The following TVP23C variants were observed in gnomAD, a reference collection of about 807,000 sequenced individuals.
TVP23C encodes Golgi apparatus membrane protein TVP23 homolog C.
A neutral mutation model predicts 28.7 loss-of-function variants in TVP23C; 19 were observed. The observed-to-expected ratio is 0.66, with a 90% CI of 0.46 to 0.97. The LOEUF is 0.97. TVP23C is among the 50% of genes least tolerant of loss of function. The pLI is 0.00. For synonymous variants in TVP23C, 68 were observed against 81.7 expected, an observed-to-expected ratio of 0.83 and a Z score of 0.90; for missense variants, 186 against 241.3, an observed-to-expected ratio of 0.77 and a Z score of 1.52.
intron 3 of TVP23C, among the ~76,000 whole-genome samples, chr17:15,549,408 T>C (rs1567642591): frequency 6.6e-6 from 1 of 152,132 alleles, no homozygotes; most frequent in African/African-American, 2.4e-5. Context: ...GAGTGGAAGA[T>C]GACAAGTAGT....
rs1463978019 is a variant in TVP23C, at chr17:15,537,357, T to C, written c.*3055A>G. 2.8e-5 allele frequency: 27 copies of C among 975,456 alleles called. No individual in the cohort carries two copies. Among genetic ancestry groups the C allele is most frequent in the Non-Finnish European group, 3.2e-5 (26 of 821,140 alleles). 60.4% of individuals were successfully genotyped at this position (975,456 alleles called of 1,614,324 possible). ...GTAAATTATTATTCTCATTATGACA[T>C]GAGAATAATGCTCTTTTAGTGGTAA... is the stretch of plus-strand genomic sequence containing the variant. On this transcript the variant is annotated 3_prime_UTR_variant, in exon 6 of 6. Transcript: ENST00000518321.
chr17:15,524,908 C>T (rs1161328590), intron 5 of TVP23C, among the ~76,000 whole-genome samples: 1 of 152,208 alleles, frequency 6.6e-6, no homozygotes, highest in African/African-American at 2.4e-5. Flanking sequence ...CCAGGACCAC[C>T]ACTCGGCTCT....
chr17:15,520,166 C>T (rs1245462449), intron 5 of TVP23C, among the ~76,000 whole-genome samples: 1 of 151,056 alleles, frequency 6.6e-6, no homozygotes, highest in Non-Finnish European at 1.5e-5. Context: ...TCACCAAAAT[C>T]CTCTTTCTCT....
At chr17:15,525,920 G>A (rs1982704738) in intron 5 of TVP23C, among the ~76,000 whole-genome samples, 1 of 152,132 alleles carries the variant, frequency 6.6e-6, no homozygotes, top group Admixed American at 6.5e-5. Context: ...GTAAAATGGT[G>A]GTAGTATCTC....
At chr17:15,534,604 CACACACA>C (rs1983080139), downstream of TVP23C, among the ~76,000 whole-genome samples, 1 of 148,818 alleles carries the variant, frequency 6.7e-6, no homozygotes, top group African/African-American at 2.5e-5. Flanking sequence ...CACACACACA[CACACACA>C]CCCTTACCTA....
chr17:15,542,273 G>C (rs1194338817), intron 5 of TVP23C, among the ~76,000 whole-genome samples: 1 of 152,026 alleles, frequency 6.6e-6, no homozygotes. Context: ...GACCCAAACA[G>C]GCAGGAAAAT....
At chr17:15,552,422 C>T (rs1983933921) in intron 3 of TVP23C, among the ~76,000 whole-genome samples, 1 of 152,228 alleles carries the variant, frequency 6.6e-6, no homozygotes. Flanking sequence ...TGGCTCACGC[C>T]TGTAATCCCA....
rs1982579808 is a variant in TVP23C at position 15,523,591 on chromosome 17, G to C, written c.463-20359C>G. Among the ~76,000 whole-genome samples the C allele has an allele frequency of 2.0e-5, 3 of 151,776 alleles. No homozygotes were observed. In the East Asian group the frequency reaches 5.8e-4, roughly 29 times the overall value. On this transcript the variant is annotated intron_variant, in intron 5 of 5. Coordinates refer to the TVP23C transcript ENST00000225576. ...CCCAAAGTGCTGAGATTACAGGCATGAGCACTGCACCTGGCTGGAAGATTT... is the reference window on the plus strand; with the variant it reads ...CCCAAAGTGCTGAGATTACAGGCATCAGCACTGCACCTGGCTGGAAGATTT...
chr17:15,516,947 T>G (rs1234620876), intron 5 of TVP23C, among the ~76,000 whole-genome samples: 3 of 152,206 alleles, frequency 2.0e-5, no homozygotes, highest in Admixed American at 2.0e-4. Flanking sequence ...AGCACAGGCA[T>G]GGCATCTCAC....
intron 5 of TVP23C, among the ~76,000 whole-genome samples, chr17:15,529,029 TTAAC>T (rs1348300128): frequency 2.0e-5 from 3 of 152,158 alleles, no homozygotes; most frequent in African/African-American, 7.2e-5. Context: ...TTCTTTACCT[TTAAC>T]TAGCAAAGCA....
chr17:15,551,905 A>G (rs1983909645), intron 3 of TVP23C, among the ~76,000 whole-genome samples: 1 of 152,206 alleles, frequency 6.6e-6, no homozygotes, highest in East Asian at 1.9e-4. Context: ...AGTCCACTTA[A>G]TAATTTCCCT....
exon 6 of TVP23C, chr17:15,502,778 C>T: frequency 6.9e-7 from 1 of 1,457,218 alleles, no homozygotes. Flanking sequence ...CCGTCACTCT[C>T]TTCCCTCCCT....
chr17:15,528,649 A>G (rs897803327), intron 5 of TVP23C, among the ~76,000 whole-genome samples: 26 of 151,710 alleles, frequency 1.7e-4, no homozygotes, highest in African/African-American at 6.0e-4. Context: ...TTTGTCACCC[A>G]GGCTGGAGTG....
chr17:15,547,884 G>T (rs1983713031), intron 3 of TVP23C, among the ~76,000 whole-genome samples: 1 of 152,136 alleles, frequency 6.6e-6, no homozygotes, highest in African/African-American at 2.4e-5. Context: ...AAATATAAAA[G>T]ATAAATAAGA....
chr17:15,553,080 G>A lies in TVP23C; in HGVS notation c.240+605C>T, dbSNP rs763437. Reference sequence around the variant, plus strand: ...GGTAGTTCTTTGTTGCAGAGGGGCCGTCCTGTGTGTTAGGATATTTAGCAG... The same window carrying A: ...GGTAGTTCTTTGTTGCAGAGGGGCCATCCTGTGTGTTAGGATATTTAGCAG... On this transcript the variant is annotated intron_variant, in intron 3 of 5. Coordinates refer to ENST00000518321, the MANE Select transcript of TVP23C (RefSeq NM_001135036.2). 4.7e-5 allele frequency among the ~76,000 whole-genome samples: 7 copies of A among 148,480 alleles called. No individual in the cohort carries two copies. In the East Asian group the frequency reaches 7.9e-4, roughly 17 times the overall value.
At chr17:15,543,926 C>T (rs1031163033) in intron 5 of TVP23C, among the ~76,000 whole-genome samples, 6 of 151,794 alleles carry the variant, frequency 4.0e-5, no homozygotes, top group Non-Finnish European at 8.8e-5. Context: ...AAGGTCAAAC[C>T]ATAGAACATA....
chr17:15,512,033 T>C (rs1385967643), intron 5 of TVP23C, among the ~76,000 whole-genome samples: 1 of 152,200 alleles, frequency 6.6e-6, no homozygotes, highest in Non-Finnish European at 1.5e-5. Flanking sequence ...ATCTCCACAG[T>C]TGCTGATTCA....
Position 15,527,629 on chromosome 17 carries a change from A to G in TVP23C, c.462+18156T>C, listed in dbSNP as rs567638693. Among the ~76,000 whole-genome samples, 343 of 152,312 alleles carry G rather than the reference A, an allele frequency of 2.3e-3. 2 individuals are homozygous for G. The highest frequency in any genetic ancestry group is 4.1e-3 in the Non-Finnish European group (276 of 68,040). ...CCTCACAAGCTCCTTCCACCTCAAG[A>G]GGGTAAGTATTTACTTGTGCTTATG... On this transcript the variant is annotated intron_variant, in intron 5 of 5. Coordinates refer to the TVP23C transcript ENST00000225576.
downstream of TVP23C, among the ~76,000 whole-genome samples, chr17:15,534,866 A>G (rs2589709): frequency 0.014 from 2,076 of 147,450 alleles, 45 homozygotes; most frequent in African/African-American, 0.051. Flanking sequence ...TACTTGGGAG[A>G]CTGAGGCAGG....
Sources: allele counts gnomAD v4.1 joint callset (sites outside exome capture counted in the v4.1 genomes callset), GRCh38; gene constraint gnomAD v4.1.1; transcripts MANE v1.5; gene names NCBI Gene and HGNC (gene_info 2026-07-23, HGNC 2026-07-21).